Variants in GABRB1 observed in about 807,000 individuals in gnomAD.
GABRB1 encodes the protein gamma-aminobutyric acid type A receptor subunit beta1.
In GABRB1, 17 loss-of-function variants were observed where a neutral mutation model predicts 51.6. The observed-to-expected ratio is 0.33, with a 90% CI of 0.23 to 0.49. GABRB1 has a LOEUF of 0.49. Among genes scored for constraint, GABRB1 ranks in the 20% least tolerant of loss-of-function variants. The pLI is 0.99. For missense variants in GABRB1, 410 were observed against 600.6 expected (o/e 0.68, Z 3.32); for synonymous variants, 247 against 218.9 (o/e 1.13, Z -1.14).
intron 4 of GABRB1, among the ~76,000 whole-genome samples, chr4:47,308,457 T>A (rs1454607180): frequency 6.6e-6 from 1 of 152,084 alleles, no homozygotes; most frequent in Non-Finnish European, 1.5e-5. Context: ...TATTCTTCTG[T>A]CCTATTTGGT....
At chr4:47,379,251 G>A (rs1471754391) in intron 5 of GABRB1, among the ~76,000 whole-genome samples, 1 of 151,982 alleles carries the variant, frequency 6.6e-6, no homozygotes, top group Admixed American at 6.6e-5. Context: ...ACCACAGATG[G>A]TCCCTGATTG....
intron 3 of GABRB1, among the ~76,000 whole-genome samples, chr4:47,109,954 G>T (rs1230923296): frequency 6.6e-6 from 1 of 152,054 alleles, no homozygotes; most frequent in Non-Finnish European, 1.5e-5. Context: ...GTTCAACATT[G>T]TAGTGGAAGA....
At chr4:47,141,709 G>A (rs1042000647) in intron 3 of GABRB1, among the ~76,000 whole-genome samples, 2 of 151,914 alleles carry the variant, frequency 1.3e-5, no homozygotes, top group African/African-American at 4.8e-5. Context: ...TAGCACGAGA[G>A]TGCTTAGTTT....
intron 4 of GABRB1, among the ~76,000 whole-genome samples, chr4:47,298,385 C>G (rs987284347): frequency 5.3e-5 from 8 of 152,180 alleles, no homozygotes; most frequent in Admixed American, 1.3e-4. Context: ...GCAACTTCAG[C>G]AAAGTCTCAG....
intron 3 of GABRB1, among the ~76,000 whole-genome samples, chr4:47,132,494 G>A (rs1279135054): frequency 6.6e-6 from 1 of 151,958 alleles, no homozygotes; most frequent in Non-Finnish European, 1.5e-5. Flanking sequence ...TAGAGGATAG[G>A]ATTTGTTTTT....
chr4:47,259,717 G>A (rs1722351496), intron 4 of GABRB1, among the ~76,000 whole-genome samples: 1 of 152,122 alleles, frequency 6.6e-6, no homozygotes, highest in Non-Finnish European at 1.5e-5. Context: ...ATAACCTTGG[G>A]TTTTAATACT....
chr4:47,246,081 C>A (rs866565973), intron 4 of GABRB1, among the ~76,000 whole-genome samples: 9 of 149,412 alleles, frequency 6.0e-5, no homozygotes, highest in Admixed American at 2.0e-4. Context: ...TTCTCCCCCC[C>A]CAAGTCCCCA....
At chr4:47,253,449 G>A (rs1722069144) in intron 4 of GABRB1, among the ~76,000 whole-genome samples, 1 of 152,208 alleles carries the variant, frequency 6.6e-6, no homozygotes, top group Non-Finnish European at 1.5e-5. Flanking sequence ...TCACTGCAGA[G>A]TAACTATGGT....
intron 8 of GABRB1, among the ~76,000 whole-genome samples, chr4:47,408,351 G>A (rs1560373328): frequency 6.6e-6 from 1 of 152,186 alleles, no homozygotes; most frequent in African/African-American, 2.4e-5. Context: ...AGTTAGTGAG[G>A]AAGAAAGCAG....
intron 1 of GABRB1, among the ~76,000 whole-genome samples, chr4:47,005,948 A>G (rs1251135101): frequency 6.9e-6 from 1 of 145,960 alleles, no homozygotes; most frequent in Admixed American, 6.8e-5. Context: ...TTATTTTTTT[A>G]TTTACTTAAA....
intron 5 of GABRB1, among the ~76,000 whole-genome samples, chr4:47,339,146 C>T (rs1398238031): frequency 6.6e-6 from 1 of 152,100 alleles, no homozygotes; most frequent in African/African-American, 2.4e-5. Flanking sequence ...ATAATCAAAA[C>T]AGTAGGAAAT....
intron 3 of GABRB1, chr4:47,043,461 T>G (rs1725945901): frequency 6.6e-6 from 1 of 152,046 alleles, no homozygotes; most frequent in Non-Finnish European, 1.5e-5. Context: ...ACTTTCAGGA[T>G]TTTACAGGAT....
At chr4:47,067,202 T>C (rs1727126120) in intron 3 of GABRB1, among the ~76,000 whole-genome samples, 1 of 152,244 alleles carries the variant, frequency 6.6e-6, no homozygotes, top group Non-Finnish European at 1.5e-5. Flanking sequence ...AACAGACATG[T>C]TGTCATCTTG....
chr4:47,409,677 T>A (rs1159436267), intron 8 of GABRB1, among the ~76,000 whole-genome samples: 1 of 152,210 alleles, frequency 6.6e-6, no homozygotes, highest in Non-Finnish European at 1.5e-5. Flanking sequence ...GTTCCATGCT[T>A]GAGGGTGGGG....
intron 4 of GABRB1, among the ~76,000 whole-genome samples, chr4:47,206,094 T>C (rs1210443782): frequency 6.6e-6 from 1 of 152,056 alleles, no homozygotes; most frequent in East Asian, 1.9e-4. Context: ...AAACCATGAA[T>C]TGACCTTAAG....
At position 47,224,071 on chromosome 4, in the gene GABRB1, A is replaced by G. The variant is rs140898362; in HGVS notation, c.461+62602A>G. On this transcript the variant is annotated intron_variant, in intron 4 of 8. Transcript: ENST00000295454. ...GAATTATTGTGGCAAGAGTTTAAAG[A>G]CTTTATGAACTGAAAACATTGAACT... 5.3e-5 allele frequency among the ~76,000 whole-genome samples: 8 copies of G among 152,122 alleles called. No individual in the cohort carries two copies. The East Asian group carries it at 1.5e-3, about 29-fold the overall frequency.
At chr4:47,108,367 G>A (rs962926711) in intron 3 of GABRB1, among the ~76,000 whole-genome samples, 4 of 151,994 alleles carry the variant, frequency 2.6e-5, no homozygotes, top group Admixed American at 6.6e-5. Flanking sequence ...CAAACCTTCC[G>A]GAGTATTCTG....
chr4:47,041,858 G>C (rs996350780), intron 3 of GABRB1, among the ~76,000 whole-genome samples: 14 of 151,936 alleles, frequency 9.2e-5, no homozygotes, highest in Non-Finnish European at 1.3e-4. Context: ...CCTGCCACCT[G>C]CAAACCCTCT....
intron 4 of GABRB1, among the ~76,000 whole-genome samples, chr4:47,242,875 A>T (rs532523906): frequency 6.6e-6 from 1 of 152,214 alleles, no homozygotes; most frequent in South Asian, 2.1e-4. Flanking sequence ...TGCTGTGCAG[A>T]AGCTCTTTAG....
Sources: gnomAD v4.1 joint callset for allele counts (sites outside exome capture counted in the v4.1 genomes callset) on GRCh38, gnomAD v4.1.1 for gene constraint, MANE v1.5 for transcripts, NCBI Gene and HGNC (gene_info 2026-07-23, HGNC 2026-07-21) for gene names.